HSD17B12: variants seen among roughly 807,000 people sequenced by gnomAD.
The protein encoded by HSD17B12 is very-long-chain 3-oxoacyl-CoA reductase.
In HSD17B12, 32 loss-of-function variants were observed where a neutral mutation model predicts 39.3. The ratio of observed to expected loss-of-function variants is 0.81; its 90% CI spans 0.61 to 1.09. The LOEUF (loss-of-function observed/expected upper bound fraction) is 1.09, where lower values mean the gene tolerates loss of function less well. HSD17B12 is among the 50% of genes least tolerant of loss of function. The pLI, the probability that HSD17B12 is intolerant of heterozygous loss-of-function variation, is 0.00. For synonymous variants in HSD17B12, 150 were observed against 146.7 expected (o/e 1.02, Z -0.16); for missense variants, 342 against 382.9 (o/e 0.89, Z 0.89).
chr11:43,674,440 T>A, the HSD17B12 span, among the ~76,000 whole-genome samples: 2 of 152,252 alleles, frequency 1.3e-5, no homozygotes, highest in African/African-American at 4.8e-5. Context: ...ACAATTAGTA[T>A]TCCTAATTCC....
the HSD17B12 span, among the ~76,000 whole-genome samples, chr11:43,662,377 TTGTGTGTGTGTGTG>T: frequency 0.035 from 4,549 of 128,516 alleles, 94 homozygotes; most frequent in Non-Finnish European, 0.05. Context: ...TTTATTTTAT[TTGTGTGTGTGTGTG>T]TGTGTGTGTG....
chr11:43,670,231 T>C, the HSD17B12 span: 27,414 of 152,132 alleles, frequency 0.18, 2,886 homozygotes, highest in Middle Eastern at 0.27. Flanking sequence ...ACAGGTCCCA[T>C]AGAGGGACAT....
the HSD17B12 span, among the ~76,000 whole-genome samples, chr11:43,560,523 C>G: frequency 1.3e-5 from 2 of 152,120 alleles, no homozygotes; most frequent in Admixed American, 6.5e-5. Flanking sequence ...GAAAGCATGA[C>G]CTCTGGGCAC....
chr11:43,740,008 C>T (rs1332222144), intron 1 of HSD17B12, among the ~76,000 whole-genome samples: 2 of 151,876 alleles, frequency 1.3e-5, no homozygotes, highest in Non-Finnish European at 2.9e-5. Context: ...GGAGTAAGAA[C>T]GGGACCAGGC....
At chr11:43,819,256 C>T (rs1325858812) in intron 6 of HSD17B12, among the ~76,000 whole-genome samples, 3 of 152,114 alleles carry the variant, frequency 2.0e-5, no homozygotes, top group African/African-American at 7.2e-5. Context: ...TGTTTGTATA[C>T]TCTTATGGTG....
chr11:43,658,879 C>T, the HSD17B12 span, among the ~76,000 whole-genome samples: 2 of 152,226 alleles, frequency 1.3e-5, no homozygotes, highest in Non-Finnish European at 2.9e-5. Flanking sequence ...GTTCTTAGAT[C>T]TCAAGCTGCG....
the HSD17B12 span, among the ~76,000 whole-genome samples, chr11:43,612,337 T>C: frequency 2.0e-5 from 3 of 152,224 alleles, no homozygotes; most frequent in South Asian, 6.2e-4. Flanking sequence ...GTTTAATAAA[T>C]ATATTGCACA....
chr11:43,717,947 G>C (rs1332668396), intron 1 of HSD17B12, among the ~76,000 whole-genome samples: 2 of 151,964 alleles, frequency 1.3e-5, no homozygotes, highest in African/African-American at 2.4e-5. Flanking sequence ...TGGGATTACA[G>C]GCATGTGCCA....
At chr11:43,719,176 A>C in intron 1 of HSD17B12, 2 of 737,116 alleles carry the variant, frequency 2.7e-6, no homozygotes, top group Non-Finnish European at 5.0e-6. Flanking sequence ...TTCTAAATAT[A>C]TGTATATCTT....
At chr11:43,615,741 G>C in the HSD17B12 span, among the ~76,000 whole-genome samples, 1 of 152,140 alleles carries the variant, frequency 6.6e-6, no homozygotes, top group Non-Finnish European at 1.5e-5. Context: ...GACTAGTCTG[G>C]TGCTAATTAC....
chr11:43,698,679 T>C (rs528574283), intron 1 of HSD17B12, among the ~76,000 whole-genome samples: 1 of 152,340 alleles, frequency 6.6e-6, no homozygotes, highest in East Asian at 1.9e-4. Context: ...ATCCCCACTT[T>C]GTCTAAGATA....
chr11:43,809,107 C>T (rs1384392266), intron 4 of HSD17B12, among the ~76,000 whole-genome samples: 2 of 152,196 alleles, frequency 1.3e-5, no homozygotes, highest in East Asian at 1.9e-4. Flanking sequence ...TCTGGTCATA[C>T]GTAATAAAAG....
chr11:43,655,348 C>T, the HSD17B12 span, among the ~76,000 whole-genome samples: 3 of 152,176 alleles, frequency 2.0e-5, no homozygotes, highest in South Asian at 6.2e-4. Flanking sequence ...ATGTCATCTG[C>T]AAACAGGGAC....
intron 1 of HSD17B12, among the ~76,000 whole-genome samples, chr11:43,701,366 T>C (rs145222718): frequency 0.012 from 1,794 of 152,338 alleles, 39 homozygotes; most frequent in African/African-American, 0.041. Flanking sequence ...ATTTTTGCTT[T>C]AGTTGCCTGT....
chr11:43,615,545 T>C, the HSD17B12 span, among the ~76,000 whole-genome samples: 1 of 152,194 alleles, frequency 6.6e-6, no homozygotes, highest in Non-Finnish European at 1.5e-5. Context: ...CTCTGAGAGA[T>C]CATTGTCCTC....
At chr11:43,802,159 G>A (rs1950977923) in intron 4 of HSD17B12, among the ~76,000 whole-genome samples, 1 of 151,602 alleles carries the variant, frequency 6.6e-6, no homozygotes, top group Admixed American at 6.6e-5. Context: ...CTAATTTTTT[G>A]TATTTTTTAG....
At chr11:43,763,611 TTATA>T (rs34924658) in intron 3 of HSD17B12, among the ~76,000 whole-genome samples, 5 of 145,648 alleles carry the variant, frequency 3.4e-5, no homozygotes, top group African/African-American at 1.2e-4. Context: ...TAAGGTTATC[TTATA>T]TATATATATA....
intron 3 of HSD17B12, among the ~76,000 whole-genome samples, chr11:43,784,345 A>ATTATTATTT (rs1324860147): frequency 7.3e-6 from 1 of 137,046 alleles, no homozygotes; most frequent in Non-Finnish European, 1.6e-5. Flanking sequence ...TATTATTATT[A>ATTATTATTT]TTTTAACTGC....
the HSD17B12 span, among the ~76,000 whole-genome samples, chr11:43,653,575 G>A: frequency 1.5e-4 from 23 of 151,846 alleles, no homozygotes; most frequent in Middle Eastern, 6.8e-3. Context: ...AACAGTCCCC[G>A]GTGTGTGATG....
Sources: gnomAD v4.1 joint callset for allele counts (sites outside exome capture counted in the v4.1 genomes callset) on GRCh38, gnomAD v4.1.1 for gene constraint, MANE v1.5 for transcripts, NCBI Gene and HGNC (gene_info 2026-07-23, HGNC 2026-07-21) for gene names.